MYO16: variants seen among roughly 807,000 people sequenced by gnomAD.
The protein encoded by MYO16 is unconventional myosin-XVI.
Under a neutral mutation model 205.3 loss-of-function variants are expected in MYO16, and 94 were observed. The observed-to-expected ratio is 0.46, with a 90% confidence interval of 0.39 to 0.54. MYO16 has a LOEUF of 0.54. Among genes scored for constraint, MYO16 ranks in the 20% least tolerant of loss-of-function variants. MYO16 has a pLI of 0.00. For missense variants in MYO16, 2,315 were observed against 2,387.5 expected, an observed-to-expected ratio of 0.97 and a Z score of 0.63; for synonymous variants, 988 against 954.0, an observed-to-expected ratio of 1.04 and a Z score of -0.66.
intron 27 of MYO16, among the ~76,000 whole-genome samples, chr13:109,065,913 GA>G (rs1887733962): frequency 6.6e-6 from 1 of 152,186 alleles, no homozygotes; most frequent in African/African-American, 2.4e-5. Context: ...AACTTATTTG[GA>G]AAAGACAGAA....
chr13:109,109,577 GA>G lies in MYO16; in HGVS notation c.3438+8692del, dbSNP rs1432078529. On this transcript the variant is annotated intron_variant, in intron 28 of 34. Transcript: ENST00000457511. ...TGGATGGGACAAGGGAGGAAGCCGAGAACACGAAGGGAGGGGAGAGGACCTC... is the reference window on the plus strand; with the variant it reads ...TGGATGGGACAAGGGAGGAAGCCGAGACACGAAGGGAGGGGAGAGGACCTC... Among the ~76,000 whole-genome samples, 8 of 150,402 alleles carry G rather than the reference GA, an allele frequency of 5.3e-5. No homozygotes were observed. In the East Asian group the frequency reaches 1.6e-3, roughly 29 times the overall value.
At position 108,727,669 on chromosome 13, in the gene MYO16, T is replaced by C. The variant is rs1222222309; in HGVS notation, c.507+86T>C. 6 of 1,463,660 alleles carry C rather than the reference T, an allele frequency of 4.1e-6. No individual in the cohort carries two copies. In the Admixed American group the frequency reaches 1.4e-4, roughly 33 times the overall value. 90.7% of individuals were successfully genotyped at this position (1,463,660 alleles called of 1,614,324 possible). ...TTAACTAATGCTATTTTACAATATG[T>C]AATATTTTGGTTGAGAAAAATCTGC... On this transcript the variant is annotated intron_variant, in intron 4 of 34. Transcript: ENST00000457511.
At chr13:108,870,754 T>C (rs1019901234) in intron 12 of MYO16, among the ~76,000 whole-genome samples, 1 of 152,010 alleles carries the variant, frequency 6.6e-6, no homozygotes, top group Non-Finnish European at 1.5e-5. Flanking sequence ...CTTTTCTGAG[T>C]TTTTAAAATT....
Position 109,207,297 on chromosome 13 carries a change from G to A in MYO16, c.*461G>A, listed in dbSNP as rs1173244271. 2.0e-5 allele frequency: 3 copies of A among 152,422 alleles called. No homozygotes were observed. The highest frequency in any genetic ancestry group is 4.8e-5 in the African/African-American group (2 of 41,374). The allele number at this position is 152,422 out of a possible 1,614,324, so 9.4% of individuals were successfully genotyped here. Reference sequence around the variant, plus strand: ...CTTTGTAGCTACTTGTGTTTTATTGGTATTATAAACCTGATAATTATTTAC... The same window carrying A: ...CTTTGTAGCTACTTGTGTTTTATTGATATTATAAACCTGATAATTATTTAC... On this transcript the variant is annotated 3_prime_UTR_variant, in exon 35 of 35. Transcript: ENST00000457511.
intron 13 of MYO16, among the ~76,000 whole-genome samples, chr13:108,887,206 A>T (rs980876810): frequency 3.3e-5 from 5 of 152,086 alleles, no homozygotes; most frequent in African/African-American, 1.2e-4. Context: ...TTAATACCTC[A>T]TTTGTTGATA....
At chr13:109,155,236 G>A (rs866685365) in intron 32 of MYO16, among the ~76,000 whole-genome samples, 18 of 152,230 alleles carry the variant, frequency 1.2e-4, no homozygotes, top group African/African-American at 4.1e-4. Context: ...TTGGCGGGGG[G>A]GTGGGTGACA....
chr13:108,516,248 T>A, the MYO16 span, among the ~76,000 whole-genome samples: 4 of 151,616 alleles, frequency 2.6e-5, no homozygotes, highest in East Asian at 3.9e-4. Flanking sequence ...TCCAGGCGCG[T>A]CCGTCACCCC....
the MYO16 span, among the ~76,000 whole-genome samples, chr13:108,566,670 G>A: frequency 6.7e-6 from 1 of 149,322 alleles, no homozygotes; most frequent in South Asian, 2.1e-4. Flanking sequence ...AGGAAAGAAG[G>A]AAGGAAGGAA....
At chr13:108,561,743 G>T in the MYO16 span, among the ~76,000 whole-genome samples, 1 of 152,090 alleles carries the variant, frequency 6.6e-6, no homozygotes, top group African/African-American at 2.4e-5. Flanking sequence ...TTTCTTATTT[G>T]TAAACCATTC....
At chr13:108,743,796 C>T (rs1442269810) in intron 4 of MYO16, among the ~76,000 whole-genome samples, 1 of 152,246 alleles carries the variant, frequency 6.6e-6, no homozygotes, top group Non-Finnish European at 1.5e-5. Flanking sequence ...ATTTCGTACA[C>T]ATATGGCTTA....
intron 7 of MYO16, among the ~76,000 whole-genome samples, chr13:108,808,543 C>T (rs1009106741): frequency 2.6e-5 from 4 of 151,856 alleles, no homozygotes; most frequent in African/African-American, 9.7e-5. Context: ...GAACTCCTGA[C>T]CTCAGGTGAT....
At chr13:109,193,890 A>G (rs1485062415) in intron 34 of MYO16, among the ~76,000 whole-genome samples, 9 of 152,174 alleles carry the variant, frequency 5.9e-5, no homozygotes, top group Non-Finnish European at 1.5e-5. Flanking sequence ...CAAAATATGA[A>G]TACCATTTGT....
intron 9 of MYO16, 105 bp from the exon 10 acceptor site, chr13:108,844,238 T>C (rs1236547557): frequency 2.6e-5 from 22 of 839,380 alleles, no homozygotes; most frequent in Non-Finnish European, 3.5e-5. Flanking sequence ...ATATTTCTTA[T>C]CTGAATAAAA....
chr13:109,202,211 T>C (rs999466849), intron 34 of MYO16, among the ~76,000 whole-genome samples: 7 of 149,426 alleles, frequency 4.7e-5, no homozygotes, highest in African/African-American at 1.5e-4. Flanking sequence ...TTCCTCTGGG[T>C]AGATACTCAG....
chr13:109,036,871 A>G (rs1206679207), intron 23 of MYO16, among the ~76,000 whole-genome samples: 1 of 152,200 alleles, frequency 6.6e-6, no homozygotes, highest in Non-Finnish European at 1.5e-5. Flanking sequence ...ATCTTTGGCT[A>G]CTTTCATGCT....
chr13:108,801,789 A>T (rs777302612), intron 6 of MYO16, among the ~76,000 whole-genome samples: 1 of 152,200 alleles, frequency 6.6e-6, no homozygotes, highest in Admixed American at 6.5e-5. Flanking sequence ...AACCAGGCCC[A>T]AAGAGACCGT....
chr13:108,738,442 C>T (rs563346013), intron 4 of MYO16, among the ~76,000 whole-genome samples: 24 of 152,146 alleles, frequency 1.6e-4, no homozygotes, highest in Middle Eastern at 6.8e-3. Context: ...TGTAGTTGAG[C>T]GGTTTTGAGT....
chr13:108,524,546 A>G, the MYO16 span, among the ~76,000 whole-genome samples: 3 of 152,154 alleles, frequency 2.0e-5, no homozygotes, highest in Non-Finnish European at 2.9e-5. Flanking sequence ...TAAATTATCC[A>G]GTCTCAGATA....
At chr13:108,798,685 CTTATTTTTTTTTT>C (rs1886866387) in intron 6 of MYO16, among the ~76,000 whole-genome samples, 2 of 105,226 alleles carry the variant, frequency 1.9e-5, no homozygotes, top group African/African-American at 7.2e-5. Context: ...GGCCCCGAGG[CTTATTTTTTTTTT>C]TTTTTTTTTT....
Sources: allele counts gnomAD v4.1 joint callset (sites outside exome capture counted in the v4.1 genomes callset), GRCh38; gene constraint gnomAD v4.1.1; transcripts MANE v1.5; gene names NCBI Gene and HGNC (gene_info 2026-07-23, HGNC 2026-07-21).